DNAJC19: variants seen among roughly 807,000 people sequenced by gnomAD.
DNAJC19 encodes the protein DnaJ heat shock protein family (Hsp40) member C19.
DNAJC19 carries 15 observed loss-of-function variants against 19.8 expected under a neutral mutation model. That is an observed-to-expected ratio of 0.76 (90% CI 0.51 to 1.17). The LOEUF is 1.17. Ranked by LOEUF, DNAJC19 falls within the 50% of genes most tolerant of loss-of-function variation. The pLI is 0.00. For missense variants in DNAJC19, 105 were observed against 140.9 expected, an observed-to-expected ratio of 0.75 and a Z score of 1.29; for synonymous variants, 38 against 42.1, an observed-to-expected ratio of 0.90 and a Z score of 0.38.
At chr3:180,984,807 G>A in intron 5 of DNAJC19, 97 bp from the exon 6 acceptor site, 1 of 830,606 alleles carries the variant, frequency 1.2e-6, no homozygotes, top group African/African-American at 1.7e-5. Flanking sequence ...ATGCTTATCT[G>A]AGGGAGATTT....
Position 180,984,316 on chromosome 3 carries a change from A to C in DNAJC19, c.*324T>G, listed in dbSNP as rs753726273. ...TTACCAGTTTATCAGTCTCCCATTA[A>C]AGTGGGGGCTCCCTGAGAGCAAGGA... On this transcript the variant is annotated 3_prime_UTR_variant, in exon 6 of 6. Coordinates refer to ENST00000382564, the MANE Select transcript of DNAJC19 (RefSeq NM_145261.4). The C allele has an allele frequency of 7.1e-5, 33 of 461,970 alleles. No homozygotes were observed. Among genetic ancestry groups the C allele is most frequent in the South Asian group, 5.1e-4 (33 of 64,562 alleles). 28.6% of individuals were successfully genotyped at this position (461,970 alleles called of 1,614,324 possible). A position where few individuals can be genotyped will look rare whatever the true frequency, so the allele number is the denominator to read the frequency against.
At chr3:180,989,809 A>G (rs1279047557), upstream of DNAJC19, 1 of 825,844 alleles carries the variant, frequency 1.2e-6, no homozygotes, top group Non-Finnish European at 2.0e-6. Context: ...AAGTCGCTCA[A>G]GCAGTGGACA....
chr3:180,986,944 T>G lies in DNAJC19; in HGVS notation c.208A>C (p.Ser70Arg). 6.2e-7 allele frequency: 1 copy of G among 1,612,732 alleles called. No homozygotes were observed. The highest frequency in any genetic ancestry group is 8.5e-7 in the Non-Finnish European group (1 of 1,178,828). ...TAAAAATATTAGAGATTATTTTACC[T>G]TACACCTAGTATTAATGCTGCTTCC... The part of the protein sequence containing the change: ...KREAALILGV[S>R]PTANKGKIRD... Residue 70 changes from serine to arginine, a missense_variant and splice_region_variant, in exon 4 of 6, where the codon AGC becomes CGC. Ser to Arg is a moderately radical substitution (Grantham distance 110, BLOSUM62 -1). Transcript: ENST00000382564.
Position 180,988,052 on chromosome 3 carries a change from T to G in DNAJC19, c.100A>C (p.Lys34Gln), listed in dbSNP as rs1714999198. 6.2e-7 allele frequency: 1 copy of G among 1,614,204 alleles called. No individual in the cohort carries two copies. Reference protein sequence around the residue: ...QAMKHMEPQVKQVFQSLPKSA... With the variant: ...QAMKHMEPQVQQVFQSLPKSA... ...TTTGGTAGGCTTTGAAAAACTTGTT[T>G]TACTTGAGGCTCCATATGCTTCATG... is the stretch of plus-strand genomic sequence containing the variant. The change falls in exon 3 of 6, where the codon AAA becomes CAA. Residue 34 changes from lysine (K) to glutamine (Q), a missense_variant. By Grantham distance (53) the Lys-to-Gln change is moderately conservative (BLOSUM62 1). Coordinates refer to ENST00000382564, the MANE Select transcript of DNAJC19 (RefSeq NM_145261.4).
intron 4 of DNAJC19, 164 bp downstream of exon 4, chr3:180,986,779 A>G: frequency 3.1e-6 from 2 of 636,778 alleles, no homozygotes. Context: ...TAAAAATAAC[A>G]TGAAGGAACA....
chr3:180,989,141 G>A (rs1715086395), intron 1 of DNAJC19, among the ~76,000 whole-genome samples: 1 of 152,052 alleles, frequency 6.6e-6, no homozygotes, highest in African/African-American at 2.4e-5. Flanking sequence ...TAATACCTTT[G>A]GCACTGCCCT....
chr3:180,984,565 G>C lies in DNAJC19; in HGVS notation c.*75C>G, dbSNP rs1200548043. 3.0e-6 allele frequency: 3 copies of C among 989,864 alleles called. No homozygotes were observed. Among genetic ancestry groups the C allele is most frequent in the Admixed American group, 2.1e-5 (1 of 47,290 alleles). 61.3% of individuals were successfully genotyped at this position (989,864 alleles called of 1,614,324 possible). A position where few individuals can be genotyped will look rare whatever the true frequency, so the allele number is the denominator to read the frequency against. On this transcript the variant is annotated 3_prime_UTR_variant, in exon 6 of 6. Coordinates refer to ENST00000382564, the MANE Select transcript of DNAJC19 (RefSeq NM_145261.4). ...AATCATTTTTTAAAATTGTAGCTCT[G>C]AGGCATTTTATTATAAAAACTTAGT... is the stretch of plus-strand genomic sequence containing the variant.
In DNAJC19 at chr3:180,984,151, T is replaced by C. The variant is rs1714769693; in HGVS notation, c.*489A>G. 1 of 453,978 alleles carries C rather than the reference T, an allele frequency of 2.2e-6. No individual in the cohort carries two copies. The highest frequency in any genetic ancestry group is 4.4e-6 in the Non-Finnish European group (1 of 226,784). The allele number at this position is 453,978 out of a possible 1,614,324, so 28.1% of individuals were successfully genotyped here. Reference sequence around the variant, plus strand: ...TCTTAGGTCTCAGTTGTGGTTAAATTCACTTTTAAATACAAGGTTCCAAGT... The same window carrying C: ...TCTTAGGTCTCAGTTGTGGTTAAATCCACTTTTAAATACAAGGTTCCAAGT... On this transcript the variant is annotated 3_prime_UTR_variant, in exon 6 of 6. Transcript: ENST00000382564.
Position 180,986,820 on chromosome 3 carries a change from T to C in DNAJC19, c.209+123A>G, listed in dbSNP as rs1020120604. The C allele has an allele frequency of 1.2e-5, 10 of 805,160 alleles. No individual in the cohort carries two copies. In the East Asian group the frequency reaches 2.4e-4, roughly 20 times the overall value. 49.9% of individuals were successfully genotyped at this position (805,160 alleles called of 1,614,324 possible). A position where few individuals can be genotyped will look rare whatever the true frequency, so the allele number is the denominator to read the frequency against. On this transcript the variant is annotated intron_variant, in intron 4 of 5. Transcript: ENST00000382564. ...GTTTCATTGATTAGAATTGGTAATA[T>C]CAATCTTCCTAGGACAAAATCCCCC... is the stretch of plus-strand genomic sequence containing the variant.
In DNAJC19 at chr3:180,984,971, TAGAA is replaced by T. The variant is rs370168263; in HGVS notation, c.281-265_281-262del. 6.4e-4 allele frequency among the ~76,000 whole-genome samples: 98 copies of T among 152,232 alleles called. 1 individual carries two copies. In the East Asian group the frequency reaches 0.016, roughly 25 times the overall value. ...CACCTTTTTAGAAAGCTTAAACTGA[TAGAA>T]ATAGGATTTCTATCATATATATTAG... On this transcript the variant is annotated intron_variant, in intron 5 of 5. Transcript: ENST00000382564.
chr3:180,988,907 G>A (rs2108510476), intron 1 of DNAJC19, among the ~76,000 whole-genome samples: 1 of 151,936 alleles, frequency 6.6e-6, no homozygotes, highest in South Asian at 2.1e-4. Context: ...CTACTTGGGA[G>A]GCTGAGGCAG....
chr3:180,988,510 G>A (rs751162821), intron 1 of DNAJC19, among the ~76,000 whole-genome samples: 2 of 151,742 alleles, frequency 1.3e-5, no homozygotes, highest in African/African-American at 2.4e-5. Context: ...CTTTTAAGGC[G>A]GAAATATTCT....
chr3:180,987,196 AAGT>A (rs1374347287), intron 3 of DNAJC19, 174 bp from the exon 4 acceptor site: 1 of 641,638 alleles, frequency 1.6e-6, no homozygotes, highest in Admixed American at 2.8e-5. Context: ...AAGTAGCAAC[AAGT>A]AGTATTTTAA....
In DNAJC19 at chr3:180,984,602, TAAAC is replaced by T. The variant is rs760648011; in HGVS notation, c.*34_*37del. 10 of 1,469,038 alleles carry T rather than the reference TAAAC, an allele frequency of 6.8e-6. No homozygotes were observed. The African/African-American group carries it at 9.8e-5, about 14-fold the overall frequency. 91.0% of individuals were successfully genotyped at this position (1,469,038 alleles called of 1,614,324 possible). ...TATAAAAACTTAGTACTCATATACA[TAAAC>T]TAATACGAACTTAAAATTCATCATA... On this transcript the variant is annotated 3_prime_UTR_variant, in exon 6 of 6. Transcript: ENST00000382564.
intron 3 of DNAJC19, chr3:180,987,232 T>C (rs1714958041): frequency 1.7e-6 from 1 of 584,434 alleles, no homozygotes; most frequent in South Asian, 2.1e-5. Context: ...AGATTCATTT[T>C]TTTCCAGTCA....
At chr3:180,989,183 T>A (rs543241880) in intron 1 of DNAJC19, 42 of 522,750 alleles carry the variant, frequency 8.0e-5, no homozygotes, top group Non-Finnish European at 1.1e-4. Context: ...CCCAAATATG[T>A]TCAGGAAGCA....
chr3:180,983,765 T>A lies in DNAJC19; in HGVS notation c.*875A>T, dbSNP rs1484426267. On this transcript the variant is annotated 3_prime_UTR_variant, in exon 6 of 6. Transcript: ENST00000382564. ...TGTATAAATTCTAAAGAGTCCAAAT[T>A]AAATATGTTGATATTGAGAACATTT... The A allele has an allele frequency of 2.2e-6, 1 of 451,568 alleles. No individual in the cohort carries two copies. Among genetic ancestry groups the A allele is most frequent in the Admixed American group, 2.4e-5 (1 of 42,184 alleles). 28.0% of individuals were successfully genotyped at this position (451,568 alleles called of 1,614,324 possible).
At chr3:180,989,424 C>T in intron 1 of DNAJC19, 176 bp downstream of exon 1, 9 of 1,460,670 alleles carry the variant, frequency 6.2e-6, no homozygotes, top group Non-Finnish European at 7.2e-6. Context: ...AACACAAACC[C>T]CCAAGAGAGC....
chr3:180,987,716 G>C (rs750705282), intron 3 of DNAJC19: 2 of 412,344 alleles, frequency 4.9e-6, no homozygotes, highest in African/African-American at 2.0e-5. Flanking sequence ...GTGCGATGCA[G>C]AGCAGATGAA....
Sources: allele counts gnomAD v4.1 joint callset (sites outside exome capture counted in the v4.1 genomes callset), GRCh38; gene constraint gnomAD v4.1.1; transcripts MANE v1.5; gene names NCBI Gene and HGNC (gene_info 2026-07-23, HGNC 2026-07-21).